The following NXPH1 variants were observed in gnomAD, a reference collection of about 807,000 sequenced individuals.
NXPH1 encodes neurexophilin 1, also known as neurexophilin-1.
Under a neutral mutation model 23.7 loss-of-function variants are expected in NXPH1, and 5 were observed. The ratio of observed to expected loss-of-function variants is 0.21; its 90% CI spans 0.11 to 0.44. The LOEUF (loss-of-function observed/expected upper bound fraction) is 0.44. Among genes scored for constraint, NXPH1 ranks in the 20% least tolerant of loss-of-function variants. The pLI is 0.99. For synonymous variants in NXPH1, 144 were observed against 122.2 expected (o/e 1.18, Z -1.18); for missense variants, 324 against 321.6 (o/e 1.01, Z -0.06).
At chr7:8,552,139 A>C (rs1163345622) in intron 2 of NXPH1, among the ~76,000 whole-genome samples, 4 of 150,194 alleles carry the variant, frequency 2.7e-5, no homozygotes, top group African/African-American at 9.8e-5. Flanking sequence ...AAAAAAAAAA[A>C]AAACCACCAA....
chr7:8,447,804 A>C (rs548650148), intron 2 of NXPH1, among the ~76,000 whole-genome samples: 3 of 152,290 alleles, frequency 2.0e-5, no homozygotes, highest in South Asian at 4.1e-4. Context: ...ATTCCCCCCC[A>C]CCCTTGATGT....
intron 2 of NXPH1, among the ~76,000 whole-genome samples, chr7:8,501,899 A>G (rs7811100): frequency 0.03 from 4,556 of 152,178 alleles, 200 homozygotes; most frequent in African/African-American, 0.1. Context: ...GGGCCTATAT[A>G]CCCATCCAGT....
intron 2 of NXPH1, among the ~76,000 whole-genome samples, chr7:8,740,354 A>G (rs1780340212): frequency 6.6e-6 from 1 of 152,230 alleles, no homozygotes; most frequent in Non-Finnish European, 1.5e-5. Context: ...TGGCAAGAAG[A>G]ATAAATACAG....
At chr7:8,643,979 GCTTT>G (rs1820356953) in intron 2 of NXPH1, among the ~76,000 whole-genome samples, 1 of 152,166 alleles carries the variant, frequency 6.6e-6, no homozygotes, top group East Asian at 1.9e-4. Flanking sequence ...CTCATAGAGG[GCTTT>G]CTTTGGGGTT....
intron 2 of NXPH1, among the ~76,000 whole-genome samples, chr7:8,486,565 T>C (rs1218456816): frequency 6.6e-6 from 1 of 152,186 alleles, no homozygotes; most frequent in African/African-American, 2.4e-5. Flanking sequence ...TCAATCATTG[T>C]TTCCTCATCT....
chr7:8,686,199 C>A (rs1410057707), intron 2 of NXPH1, among the ~76,000 whole-genome samples: 2 of 152,114 alleles, frequency 1.3e-5, no homozygotes, highest in African/African-American at 4.8e-5. Context: ...AGCAAACATG[C>A]CTGATATTTT....
chr7:8,697,656 G>T (rs1324121234), intron 2 of NXPH1, among the ~76,000 whole-genome samples: 2 of 152,164 alleles, frequency 1.3e-5, no homozygotes, highest in Non-Finnish European at 2.9e-5. Context: ...ATGAGATGGG[G>T]AGGATCATGA....
At chr7:8,466,543 G>A (rs1816788851) in intron 2 of NXPH1, among the ~76,000 whole-genome samples, 1 of 152,092 alleles carries the variant, frequency 6.6e-6, no homozygotes, top group South Asian at 2.1e-4. Flanking sequence ...ATCTATTCAT[G>A]TTCTTTTTTC....
intron 2 of NXPH1, among the ~76,000 whole-genome samples, chr7:8,466,075 T>G (rs1014361454): frequency 1.3e-5 from 2 of 152,170 alleles, no homozygotes; most frequent in African/African-American, 4.8e-5. Context: ...TGTGAAGTAG[T>G]GTAAAGGGGA....
intron 2 of NXPH1, among the ~76,000 whole-genome samples, chr7:8,647,626 CTA>C (rs1820416933): frequency 1.3e-5 from 2 of 151,966 alleles, no homozygotes; most frequent in African/African-American, 4.8e-5. Context: ...TAAGTATTCC[CTA>C]TCTTTTAATC....
intron 2 of NXPH1, among the ~76,000 whole-genome samples, chr7:8,625,429 G>T (rs74778464): frequency 0.067 from 10,143 of 152,180 alleles, 611 homozygotes; most frequent in East Asian, 0.17. Flanking sequence ...CAAATATGCA[G>T]AAAGGGATTG....
intron 2 of NXPH1, among the ~76,000 whole-genome samples, chr7:8,610,580 G>A (rs776204727): frequency 2.0e-5 from 3 of 151,908 alleles, no homozygotes; most frequent in Non-Finnish European, 4.4e-5. Flanking sequence ...TTTTAGAAAG[G>A]GGAGAGAAAG....
chr7:8,617,193 A>G (rs756417577), intron 2 of NXPH1, among the ~76,000 whole-genome samples: 2 of 152,128 alleles, frequency 1.3e-5, no homozygotes, highest in African/African-American at 4.8e-5. Flanking sequence ...CCCAATGTCA[A>G]TGGTGTTGAG....
intron 2 of NXPH1, among the ~76,000 whole-genome samples, chr7:8,722,983 T>C (rs2115208407): frequency 6.6e-6 from 1 of 152,322 alleles, no homozygotes; most frequent in East Asian, 1.9e-4. Flanking sequence ...TTATTTACAC[T>C]TTATCAACTG....
chr7:8,586,408 AC>A (rs1189335242), intron 2 of NXPH1, among the ~76,000 whole-genome samples: 1 of 152,054 alleles, frequency 6.6e-6, no homozygotes, highest in Non-Finnish European at 1.5e-5. Flanking sequence ...TGTCATATGA[AC>A]CAGTGCCAAA....
chr7:8,517,272 G>C (rs1021657098), intron 2 of NXPH1, among the ~76,000 whole-genome samples: 7 of 152,128 alleles, frequency 4.6e-5, no homozygotes, highest in African/African-American at 1.7e-4. Flanking sequence ...TGGAGGCTCA[G>C]AGGTAGAGTT....
chr7:8,444,700 ATC>A (rs1332848583), intron 2 of NXPH1, among the ~76,000 whole-genome samples: 5 of 152,238 alleles, frequency 3.3e-5, no homozygotes, highest in African/African-American at 1.2e-4. Context: ...CCTCGTCTTC[ATC>A]GTCTTCATCT....
At chr7:8,728,764 C>G (rs1431817120) in intron 2 of NXPH1, among the ~76,000 whole-genome samples, 1 of 152,178 alleles carries the variant, frequency 6.6e-6, no homozygotes, top group Non-Finnish European at 1.5e-5. Flanking sequence ...AGGATTTTTG[C>G]ATCAATATTC....
At chr7:8,706,444 A>T (rs942564822) in intron 2 of NXPH1, among the ~76,000 whole-genome samples, 1 of 152,206 alleles carries the variant, frequency 6.6e-6, no homozygotes, top group African/African-American at 2.4e-5. Flanking sequence ...TCTTAGGAAT[A>T]GTTGAGTGCC....
Sources: gnomAD v4.1 joint callset for allele counts (sites outside exome capture counted in the v4.1 genomes callset) on GRCh38, gnomAD v4.1.1 for gene constraint, MANE v1.5 for transcripts, NCBI Gene and HGNC (gene_info 2026-07-23, HGNC 2026-07-21) for gene names.